The following PCYT1A variants were observed in gnomAD, a reference collection of about 807,000 sequenced individuals.
PCYT1A encodes choline-phosphate cytidylyltransferase A.
PCYT1A carries 25 observed loss-of-function variants against 43.7 expected under a neutral mutation model. The observed-to-expected ratio is 0.57, with a 90% CI of 0.42 to 0.80. The LOEUF (loss-of-function observed/expected upper bound fraction) is 0.80, where lower values mean the gene tolerates loss of function less well. Ranked by LOEUF, PCYT1A falls within the 30% of genes least tolerant of loss-of-function variation. The probability of loss-of-function intolerance (pLI) is 0.00; values close to 1 mark genes in which losing one functional copy is unlikely to be tolerated. For missense variants in PCYT1A, 421 were observed against 474.2 expected (o/e 0.89, Z 1.04); for synonymous variants, 172 against 170.7 (o/e 1.01, Z -0.06).
chr3:196,285,504 G>C (rs190831990), intron 1 of PCYT1A, among the ~76,000 whole-genome samples: 2 of 152,222 alleles, frequency 1.3e-5, no homozygotes, highest in East Asian at 3.9e-4. Flanking sequence ...CTGTAAGAGA[G>C]AAGGAAGTAG....
At position 196,278,980 on chromosome 3, in the gene PCYT1A, CAAA is replaced by C. The variant is rs148985648; in HGVS notation, c.-10-8442_-10-8440del. 5.2e-4 allele frequency among the ~76,000 whole-genome samples: 27 copies of C among 51,642 alleles called. No homozygotes were observed. The South Asian group carries it at 0.015, about 29-fold the overall frequency. The allele number at this position is 51,642 out of a possible 152,430, so 33.9% of individuals were successfully genotyped here. A position where few individuals can be genotyped will look rare whatever the true frequency, so the allele number is the denominator to read the frequency against. ...TGGGTGACAGAGCAAGACCTCATCT[CAAA>C]AAAAAAAAAAAAAAAAAAGCTAGGC... On this transcript the variant is annotated intron_variant, in intron 1 of 8. Transcript: ENST00000431016.
intron 2 of PCYT1A, among the ~76,000 whole-genome samples, chr3:196,267,698 C>T (rs1246600434): frequency 6.6e-6 from 1 of 151,228 alleles, no homozygotes; most frequent in African/African-American, 2.4e-5. Context: ...GCCTGGGTAA[C>T]AGACCAAGAC....
intron 3 of PCYT1A, among the ~76,000 whole-genome samples, chr3:196,256,883 A>G (rs886964571): frequency 6.6e-6 from 1 of 152,156 alleles, no homozygotes; most frequent in African/African-American, 2.4e-5. Flanking sequence ...TACTACAGAG[A>G]GCAAACATAC....
At position 196,277,650 on chromosome 3, in the gene PCYT1A, C is replaced by T. The variant is rs1176336282; in HGVS notation, c.-10-7109G>A. Among the ~76,000 whole-genome samples the T allele has an allele frequency of 6.6e-6, 1 of 152,180 alleles. No homozygotes were observed. Among genetic ancestry groups the T allele is most frequent in the Non-Finnish European group, 1.5e-5 (1 of 68,030 alleles). Reference sequence around the variant, plus strand: ...CTTTGGGAGACCAAGGTGGGTGGATCACATGAGGTCAGGAGTTCGCAACCA... The same window carrying T: ...CTTTGGGAGACCAAGGTGGGTGGATTACATGAGGTCAGGAGTTCGCAACCA... On this transcript the variant is annotated intron_variant, in intron 1 of 8. Transcript: ENST00000431016. This position sits in a 1 kb window ranked among gnomAD's most constrained non-coding sequence, Gnocchi z 4.1.
At chr3:196,274,296 G>T (rs1201567566) in intron 1 of PCYT1A, among the ~76,000 whole-genome samples, 5 of 152,206 alleles carry the variant, frequency 3.3e-5, no homozygotes, top group Middle Eastern at 3.2e-3. Flanking sequence ...GAAACGGGCA[G>T]GGCTTCCACC....
rs777529998 is a variant in PCYT1A at position 196,242,591 on chromosome 3, T to C, written c.536A>G (p.Asp179Gly). 1 of 1,612,284 alleles carries C rather than the reference T, an allele frequency of 6.2e-7. No homozygotes were observed. Among genetic ancestry groups the C allele is most frequent in the Non-Finnish European group, 8.5e-7 (1 of 1,178,314 alleles). The change falls in exon 6 of 9, where the codon GAT (aspartate) becomes GGT (glycine). Residue 179 changes from aspartate to glycine, a missense_variant. By Grantham distance (94) the Asp-to-Gly change is moderately conservative. This residue lies in a region of PCYT1A where 174 missense variants were observed against 270.7 expected (regional missense o/e 0.64). Transcript: ENST00000431016. The surrounding 1 kb of genome is among the most constrained non-coding windows in gnomAD (Gnocchi z 4.2). ...DDIPYSSAGSDDVYKHIKEAG... is the reference protein window; with the variant it reads ...DDIPYSSAGSGDVYKHIKEAG... The stretch of plus-strand genomic sequence containing the variant: ...CTCCTTGATGTGCTTATAAACATCA[T>C]CACTGCCAGCAGATGAATAAGGAAT...
chr3:196,240,817 G>A (rs1724324834), intron 7 of PCYT1A: 1 of 152,084 alleles, frequency 6.6e-6, no homozygotes, highest in Admixed American at 6.5e-5. Context: ...ATTAACAAGA[G>A]CTAGGGTTTA....
chr3:196,245,386 T>A (rs905194453), intron 5 of PCYT1A, among the ~76,000 whole-genome samples: 1 of 152,100 alleles, frequency 6.6e-6, no homozygotes, highest in Non-Finnish European at 1.5e-5. Flanking sequence ...GTGATCCACC[T>A]GACTTGGCCT....
At chr3:196,283,056 G>T (rs180920778) in intron 1 of PCYT1A, among the ~76,000 whole-genome samples, 1 of 152,208 alleles carries the variant, frequency 6.6e-6, no homozygotes, top group Non-Finnish European at 1.5e-5. Flanking sequence ...GAAAGCAAGG[G>T]GCAAGGCACA....
At chr3:196,250,164 A>G (rs955516292) in intron 3 of PCYT1A, among the ~76,000 whole-genome samples, 1 of 144,218 alleles carries the variant, frequency 6.9e-6, no homozygotes, top group Non-Finnish European at 1.5e-5. Context: ...GACCAGGTAC[A>G]CCATGCCGAG....
chr3:196,272,912 G>A (rs1283358715), intron 1 of PCYT1A, among the ~76,000 whole-genome samples: 7 of 152,202 alleles, frequency 4.6e-5, no homozygotes, highest in Admixed American at 6.5e-5. Flanking sequence ...CAGGCCCGCC[G>A]GGCTCGTTCC....
chr3:196,287,116 C>A (rs1725935491), intron 1 of PCYT1A: 1 of 152,262 alleles, frequency 6.6e-6, no homozygotes, highest in South Asian at 2.1e-4. Context: ...GTTCTTTCCA[C>A]TAAAGACCTT....
At position 196,239,527 on chromosome 3, in the gene PCYT1A, TC is replaced by T; in HGVS notation, c.897+19del. On this transcript the variant is annotated intron_variant, in intron 8 of 8. Coordinates refer to ENST00000431016, the MANE Select transcript of PCYT1A (RefSeq NM_001312673.2). ...CCACAACATGGAACTCCCTACATTG[TC>T]CAGTGGGAAAGAACATACCAGTGCT... 6.5e-7 allele frequency: 1 copy of T among 1,529,858 alleles called. No individual in the cohort carries two copies. Among genetic ancestry groups the T allele is most frequent in the Non-Finnish European group, 9.1e-7 (1 of 1,104,254 alleles). 94.8% of individuals were successfully genotyped at this position (1,529,858 alleles called of 1,614,324 possible).
Position 196,234,978 on chromosome 3 carries a change from T to C in PCYT1A, c.*3710A>G, listed in dbSNP as rs1394811039. 1 of 152,252 alleles carries C rather than the reference T, an allele frequency of 6.6e-6. No homozygotes were observed. Among genetic ancestry groups the C allele is most frequent in the Non-Finnish European group, 1.5e-5 (1 of 68,048 alleles). 9.4% of individuals were successfully genotyped at this position (152,252 alleles called of 1,614,324 possible). On this transcript the variant is annotated 3_prime_UTR_variant, in exon 9 of 9. Coordinates refer to ENST00000431016, the MANE Select transcript of PCYT1A (RefSeq NM_001312673.2). ...CATCAGTTAAAAACATTAAGGGGGCTTTCTTTTTCTACCTGTATTGGTTCA... is the reference window on the plus strand; with the variant it reads ...CATCAGTTAAAAACATTAAGGGGGCCTTCTTTTTCTACCTGTATTGGTTCA...
chr3:196,286,775 G>T (rs1005479943), intron 1 of PCYT1A, among the ~76,000 whole-genome samples: 2 of 152,148 alleles, frequency 1.3e-5, no homozygotes, highest in Non-Finnish European at 2.9e-5. Flanking sequence ...TTAGCCGGGC[G>T]TGGTGGCGCA....
Position 196,247,415 on chromosome 3 carries a change from C to A in PCYT1A, c.438G>T (p.Val146=). The part of the protein sequence containing the change: ...VQHCRYVDEV[V]RNAPWTLTPE... ...GTGTCAGCGTCCAGGGCGCATTCCT[C>A]ACCACCTCATCCACGTAGCGGCAGT... Residue 146 remains valine, a synonymous_variant, in exon 5 of 9, where the codon GTG becomes GTT. Transcript: ENST00000431016. This position sits in a 1 kb window ranked among gnomAD's most constrained non-coding sequence, Gnocchi z 4.8. 1 of 1,614,246 alleles carries A rather than the reference C, an allele frequency of 6.2e-7. No homozygotes were observed. Among genetic ancestry groups the A allele is most frequent in the Non-Finnish European group, 8.5e-7 (1 of 1,180,032 alleles).
intron 7 of PCYT1A, chr3:196,241,428 T>C: frequency 1.0e-6 from 1 of 977,328 alleles, no homozygotes; most frequent in South Asian, 1.4e-5. Flanking sequence ...CCTCAAGCAG[T>C]CCTCCCGCCT....
At chr3:196,286,846 G>T (rs372733452) in intron 1 of PCYT1A, among the ~76,000 whole-genome samples, 4 of 152,334 alleles carry the variant, frequency 2.6e-5, no homozygotes, top group African/African-American at 9.6e-5. Flanking sequence ...CCAGGGAGGC[G>T]GAGGTTGCGG....
chr3:196,269,651 A>T (rs2108777382), intron 2 of PCYT1A, among the ~76,000 whole-genome samples: 1 of 152,262 alleles, frequency 6.6e-6, no homozygotes. Flanking sequence ...GGCAATAATT[A>T]GGAAATACAA....
Sources: gnomAD v4.1 joint callset for allele counts (sites outside exome capture counted in the v4.1 genomes callset) on GRCh38, gnomAD v4.1.1 for gene constraint, gnomAD v4.1.1 regional missense constraint, Gnocchi (gnomAD v3.1) non-coding constraint, MANE v1.5 for transcripts, NCBI Gene and HGNC (gene_info 2026-07-23, HGNC 2026-07-21) for gene names.